Variants in RAD18 observed in about 807,000 individuals in gnomAD.
The protein encoded by RAD18 is E3 ubiquitin-protein ligase RAD18.
In RAD18, 47 loss-of-function variants were observed where a neutral mutation model predicts 60.4. The observed-to-expected ratio is 0.78, with a 90% confidence interval of 0.62 to 0.99. The LOEUF (loss-of-function observed/expected upper bound fraction) is 0.99, where lower values mean the gene tolerates loss of function less well. RAD18 is among the 50% of genes least tolerant of loss of function. The probability of loss-of-function intolerance (pLI) is 0.00; values close to 1 mark genes in which losing one functional copy is unlikely to be tolerated. For missense variants in RAD18, 640 were observed against 593.3 expected (o/e 1.08, Z -0.82); for synonymous variants, 225 against 195.5 (o/e 1.15, Z -1.26).
chr3:8,910,557 A>G (rs1940089671), intron 9 of RAD18, among the ~76,000 whole-genome samples: 1 of 152,004 alleles, frequency 6.6e-6, no homozygotes, highest in Non-Finnish European at 1.5e-5. Context: ...GCAGTGAGCC[A>G]AGATAGCGCC....
At chr3:8,898,820 T>C in intron 11 of RAD18, 74 bp downstream of exon 11, 2 of 1,282,482 alleles carry the variant, frequency 1.6e-6, no homozygotes, top group Non-Finnish European at 2.1e-6. Context: ...TACATTCTAA[T>C]TATTTCTGCC....
chr3:8,894,414 A>G (rs1440629214), intron 11 of RAD18, among the ~76,000 whole-genome samples: 1 of 152,234 alleles, frequency 6.6e-6, no homozygotes, highest in Non-Finnish European at 1.5e-5. Context: ...TTCACAATAT[A>G]TGATCATCTA....
chr3:8,948,450 AC>A, intron 3 of RAD18, 58 bp downstream of exon 3: 1 of 1,459,462 alleles, frequency 6.9e-7, no homozygotes, highest in Non-Finnish European at 9.6e-7. Flanking sequence ...TTACGTATAC[AC>A]AAAGCAGAAA....
At chr3:8,897,576 G>A (rs1208621368) in intron 11 of RAD18, among the ~76,000 whole-genome samples, 3 of 152,164 alleles carry the variant, frequency 2.0e-5, no homozygotes, top group Non-Finnish European at 4.4e-5. Flanking sequence ...AAGGAATTTG[G>A]TCTTGACTGG....
rs746142401 is a variant in RAD18 at position 8,948,472 on chromosome 3, A to T, written c.195+37T>A. ...TACACAAAGCAGAAATATTTGCAGC[A>T]GTCAGTAAGTTTTAAAAAAAGGAAA... On this transcript the variant is annotated intron_variant, in intron 3 of 12. Transcript: ENST00000264926. The T allele has an allele frequency of 1.3e-5, 20 of 1,544,514 alleles. No individual in the cohort carries two copies. The East Asian group carries it at 4.5e-4, about 35-fold the overall frequency.
intron 2 of RAD18, among the ~76,000 whole-genome samples, chr3:8,954,578 G>A (rs1394400436): frequency 3.3e-5 from 5 of 152,082 alleles, no homozygotes; most frequent in Non-Finnish European, 1.5e-5. Context: ...CACAAATTTG[G>A]ATCAATTTAA....
At chr3:8,895,472 T>C (rs186287720) in intron 11 of RAD18, among the ~76,000 whole-genome samples, 27 of 152,364 alleles carry the variant, frequency 1.8e-4, no homozygotes, top group African/African-American at 4.8e-4. Context: ...TAGTAGTTTT[T>C]CTAATAATTC....
chr3:8,946,390 T>A (rs1053665859), intron 4 of RAD18, among the ~76,000 whole-genome samples: 4 of 152,198 alleles, frequency 2.6e-5, no homozygotes, highest in Non-Finnish European at 4.4e-5. Flanking sequence ...AGCAACCAAA[T>A]TGCCTAATGA....
chr3:8,928,531 T>C (rs1294495959), intron 7 of RAD18, among the ~76,000 whole-genome samples: 1 of 152,114 alleles, frequency 6.6e-6, no homozygotes, highest in Non-Finnish European at 1.5e-5. Context: ...GCAAGGAATA[T>C]TACCAGAGAC....
chr3:8,897,957 AGCCACTT>A (rs1939821012), intron 11 of RAD18, among the ~76,000 whole-genome samples: 1 of 152,078 alleles, frequency 6.6e-6, no homozygotes, highest in Non-Finnish European at 1.5e-5. Flanking sequence ...CTGTAATCCC[AGCCACTT>A]GGGAAGCTGA....
intron 7 of RAD18, among the ~76,000 whole-genome samples, chr3:8,923,103 A>T (rs1316090596): frequency 6.6e-6 from 1 of 152,200 alleles, no homozygotes; most frequent in Non-Finnish European, 1.5e-5. Flanking sequence ...GCTTCAGATG[A>T]TCAAACTTCC....
intron 1 of RAD18, among the ~76,000 whole-genome samples, chr3:8,961,298 C>T (rs1449849852): frequency 6.6e-6 from 1 of 152,096 alleles, no homozygotes; most frequent in Non-Finnish European, 1.5e-5. Context: ...GCAGACTCCC[C>T]AAAATTTCTT....
In RAD18 at chr3:8,963,377, G is replaced by A; in HGVS notation, c.9C>T (p.Ser3=). Residue 3 remains serine (S), a synonymous_variant, in exon 1 of 13, where the codon TCC becomes TCT. Coordinates refer to ENST00000264926, the MANE Select transcript of RAD18 (RefSeq NM_020165.4). ...CCGGAGGCCACCGAGACTCGGCCAGGGAGTCCATGGTCGCTCCCGAGGATG... is the reference window on the plus strand; with the variant it reads ...CCGGAGGCCACCGAGACTCGGCCAGAGAGTCCATGGTCGCTCCCGAGGATG... MD[S]LAESRWPPGL... 6.2e-7 allele frequency: 1 copy of A among 1,609,302 alleles called. No homozygotes were observed. The highest frequency in any genetic ancestry group is 1.3e-5 in the African/African-American group (1 of 74,718).
intron 11 of RAD18, among the ~76,000 whole-genome samples, chr3:8,898,302 C>T (rs868340394): frequency 6.6e-6 from 1 of 151,656 alleles, no homozygotes; most frequent in African/African-American, 2.4e-5. Flanking sequence ...TACTTTTGTG[C>T]CAACCTATAG....
intron 11 of RAD18, among the ~76,000 whole-genome samples, chr3:8,890,720 G>A (rs760994481): frequency 2.0e-5 from 3 of 152,102 alleles, no homozygotes; most frequent in Non-Finnish European, 4.4e-5. Context: ...AGCCAGGGAG[G>A]CTGAGATTCC....
Position 8,913,705 on chromosome 3 carries a change from C to T in RAD18, c.905G>A (p.Arg302Gln), listed in dbSNP as rs373572. 1,113,004 of 1,561,528 alleles carry T rather than the reference C, an allele frequency of 0.71. 400,616 individuals are homozygous for T. Among genetic ancestry groups the T allele is most frequent in the Middle Eastern group, 0.79 (4,656 of 5,904 alleles). The change falls in exon 8 of 13, where the codon CGA becomes CAA. Residue 302 changes from arginine (R) to glutamine (Q), a missense_variant. Arg to Gln is a conservative substitution (Grantham distance 43, BLOSUM62 1). Coordinates refer to ENST00000264926, the MANE Select transcript of RAD18 (RefSeq NM_020165.4). ...LHPKSAAEIV[R>Q]EIENIEKTRM... ...AGTCTTCTCTATATTTTCGATTTCT[C>T]GAACTATTTCAGCAGCTGTTAAAAT...
chr3:8,942,167 G>A (rs1462146444), intron 4 of RAD18, among the ~76,000 whole-genome samples: 1 of 152,162 alleles, frequency 6.6e-6, no homozygotes, highest in Admixed American at 6.5e-5. Context: ...TTGGAGGTGG[G>A]ACCTGGTGGA....
At chr3:8,927,036 A>G (rs1940453517) in intron 7 of RAD18, among the ~76,000 whole-genome samples, 1 of 152,186 alleles carries the variant, frequency 6.6e-6, no homozygotes, top group East Asian at 1.9e-4. Flanking sequence ...AAGCAATGGC[A>G]ACAAAAGCCA....
intron 11 of RAD18, among the ~76,000 whole-genome samples, chr3:8,891,185 C>T (rs868580513): frequency 1.3e-5 from 2 of 151,908 alleles, no homozygotes; most frequent in Admixed American, 6.6e-5. Flanking sequence ...GGTGATACTG[C>T]TCCTACTGAA....
Sources: allele counts gnomAD v4.1 joint callset (sites outside exome capture counted in the v4.1 genomes callset), GRCh38; gene constraint gnomAD v4.1.1; transcripts MANE v1.5; gene names NCBI Gene and HGNC (gene_info 2026-07-23, HGNC 2026-07-21).